SGCZ: variants seen among roughly 807,000 people sequenced by gnomAD.
SGCZ encodes zeta-sarcoglycan.
In SGCZ, 40 loss-of-function variants were observed where a neutral mutation model predicts 41.3. The observed-to-expected ratio is 0.97, with a 90% CI of 0.75 to 1.26. SGCZ has a LOEUF of 1.26. SGCZ is among the 50% of genes most tolerant of loss of function. The pLI, the probability that SGCZ is intolerant of heterozygous loss-of-function variation, is 0.00. For synonymous variants in SGCZ, 206 were observed against 137.5 expected, an observed-to-expected ratio of 1.50 and a Z score of -3.49; for missense variants, 552 against 369.8, an observed-to-expected ratio of 1.49 and a Z score of -4.04.
chr8:14,941,546 T>G (rs567324526), intron 1 of SGCZ, among the ~76,000 whole-genome samples: 1 of 152,062 alleles, frequency 6.6e-6, no homozygotes, highest in Admixed American at 6.6e-5. Context: ...ATGTAGGAAA[T>G]TATGAAATAT....
At chr8:14,424,842 C>G (rs918794181) in intron 2 of SGCZ, among the ~76,000 whole-genome samples, 29 of 152,152 alleles carry the variant, frequency 1.9e-4, no homozygotes, top group Non-Finnish European at 3.8e-4. Flanking sequence ...TTGACAAGGA[C>G]TGATATCCTG....
At chr8:14,376,470 C>A (rs896570523) in intron 2 of SGCZ, among the ~76,000 whole-genome samples, 1 of 152,054 alleles carries the variant, frequency 6.6e-6, no homozygotes, top group Non-Finnish European at 1.5e-5. Flanking sequence ...AACAGGGAAA[C>A]ACAGTTCATG....
intron 1 of SGCZ, among the ~76,000 whole-genome samples, chr8:14,627,975 T>G (rs927716342): frequency 2.6e-5 from 4 of 152,118 alleles, no homozygotes; most frequent in Admixed American, 2.6e-4. Context: ...TGAAGAATCT[T>G]TGATATTAGA....
At chr8:14,737,888 G>T (rs1480778241) in intron 1 of SGCZ, among the ~76,000 whole-genome samples, 1 of 152,028 alleles carries the variant, frequency 6.6e-6, no homozygotes, top group Non-Finnish European at 1.5e-5. Context: ...TTCATAAAAG[G>T]TACTGTACTG....
intron 1 of SGCZ, among the ~76,000 whole-genome samples, chr8:14,666,063 A>G (rs1807900688): frequency 6.6e-6 from 1 of 152,180 alleles, no homozygotes; most frequent in Non-Finnish European, 1.5e-5. Context: ...CTGGCAACTG[A>G]GCAAACATTT....
At chr8:15,018,121 ATACATATTC>A (rs764911139) in intron 1 of SGCZ, among the ~76,000 whole-genome samples, 19 of 152,300 alleles carry the variant, frequency 1.2e-4, no homozygotes, top group Admixed American at 6.5e-5. Flanking sequence ...GAAGTTAATT[ATACATATTC>A]TACCCTTCCA....
intron 3 of SGCZ, among the ~76,000 whole-genome samples, chr8:14,269,293 C>A (rs971291959): frequency 2.6e-5 from 4 of 152,088 alleles, no homozygotes; most frequent in African/African-American, 9.7e-5. Flanking sequence ...TTCAACTGTT[C>A]TTAAATATTA....
At chr8:14,705,751 T>C (rs951438063) in intron 1 of SGCZ, among the ~76,000 whole-genome samples, 2 of 152,044 alleles carry the variant, frequency 1.3e-5, no homozygotes, top group Non-Finnish European at 2.9e-5. Context: ...AGTAAAAACA[T>C]CTTTGGAAAA....
intron 2 of SGCZ, among the ~76,000 whole-genome samples, chr8:14,524,360 G>T (rs1411343779): frequency 6.6e-6 from 1 of 151,928 alleles, no homozygotes; most frequent in Non-Finnish European, 1.5e-5. Flanking sequence ...TCGGGTGGGG[G>T]AATCTACGTC....
chr8:15,146,015 A>G (rs1242672976), intron 1 of SGCZ, among the ~76,000 whole-genome samples: 3 of 152,210 alleles, frequency 2.0e-5, no homozygotes, highest in Admixed American at 6.5e-5. Context: ...TGCTGTAAGC[A>G]TCCCTCTCTC....
chr8:14,394,937 T>C (rs1413174433), intron 2 of SGCZ, among the ~76,000 whole-genome samples: 1 of 152,186 alleles, frequency 6.6e-6, no homozygotes, highest in African/African-American at 2.4e-5. Flanking sequence ...GATTTGTATC[T>C]AGATTTCCAT....
At chr8:15,035,439 A>G (rs1803839653) in intron 1 of SGCZ, among the ~76,000 whole-genome samples, 1 of 152,164 alleles carries the variant, frequency 6.6e-6, no homozygotes, top group Non-Finnish European at 1.5e-5. Flanking sequence ...AGAAAGGAAC[A>G]AAGGATCTGC....
rs184752254 is a variant in SGCZ, at chr8:15,149,594, T to C, written c.39+87991A>G. 4.0e-5 allele frequency among the ~76,000 whole-genome samples: 6 copies of C among 151,290 alleles called. No homozygotes were observed. The Admixed American group carries it at 4.0e-4, about 10-fold the overall frequency. ...TTTTCAATGCAAGTTAAAACAACAATGAAATATCATTTATCACTTACATCA... is the reference window on the plus strand; with the variant it reads ...TTTTCAATGCAAGTTAAAACAACAACGAAATATCATTTATCACTTACATCA... On this transcript the variant is annotated intron_variant, in intron 1 of 7. Coordinates refer to ENST00000382080, the MANE Select transcript of SGCZ (RefSeq NM_139167.4).
intron 5 of SGCZ, among the ~76,000 whole-genome samples, chr8:14,148,040 G>A (rs894132438): frequency 6.6e-6 from 1 of 151,706 alleles, no homozygotes; most frequent in African/African-American, 2.4e-5. Context: ...AAAACCTATG[G>A]GATACAGCAA....
chr8:14,942,068 AC>A (rs1800293986), intron 1 of SGCZ, among the ~76,000 whole-genome samples: 1 of 151,738 alleles, frequency 6.6e-6, no homozygotes, highest in African/African-American at 2.4e-5. Flanking sequence ...ATCATTAGGA[AC>A]CCCCAGCAGG....
At chr8:14,390,618 G>T (rs991290043) in intron 2 of SGCZ, among the ~76,000 whole-genome samples, 4 of 151,896 alleles carry the variant, frequency 2.6e-5, no homozygotes, top group African/African-American at 9.7e-5. Flanking sequence ...AGTATGGCAT[G>T]TAGATTTTAC....
chr8:15,155,489 GA>G (rs1342692859), intron 1 of SGCZ, among the ~76,000 whole-genome samples: 2 of 151,992 alleles, frequency 1.3e-5, no homozygotes, highest in Non-Finnish European at 2.9e-5. Context: ...TAGTATTCTA[GA>G]AAATATTAAA....
At chr8:15,127,624 T>C (rs1436873756) in intron 1 of SGCZ, among the ~76,000 whole-genome samples, 1 of 152,210 alleles carries the variant, frequency 6.6e-6, no homozygotes, top group Non-Finnish European at 1.5e-5. Flanking sequence ...TTTATATTTA[T>C]ATATTATCAG....
At position 14,389,476 on chromosome 8, in the gene SGCZ, G is replaced by GAA. The variant is rs34141720; in HGVS notation, c.235-65274_235-65273dup. Among the ~76,000 whole-genome samples the GAA allele has an allele frequency of 2.5e-3, 325 of 131,954 alleles. 1 individual carries two copies. Among genetic ancestry groups the GAA allele is most frequent in the African/African-American group, 7.8e-3 (286 of 36,796 alleles). 86.6% of individuals were successfully genotyped at this position (131,954 alleles called of 152,430 possible). On this transcript the variant is annotated intron_variant, in intron 2 of 7. Transcript: ENST00000382080. ...AGAAAATCACAAACTAACCTGACAG[G>GAA]AAAAAAAAAAAAAATAGGCTAACAA...
Sources: gnomAD v4.1 joint callset for allele counts (sites outside exome capture counted in the v4.1 genomes callset) on GRCh38, gnomAD v4.1.1 for gene constraint, MANE v1.5 for transcripts, NCBI Gene and HGNC (gene_info 2026-07-23, HGNC 2026-07-21) for gene names.